Variants in KDM8 observed in about 807,000 individuals in gnomAD.
KDM8 encodes the protein bifunctional peptidase and arginyl-hydroxylase JMJD5.
In KDM8, 35 loss-of-function variants were observed where a neutral mutation model predicts 46.9. That is an observed-to-expected ratio of 0.75 (90% confidence interval 0.57 to 0.99). KDM8 has a LOEUF of 0.99. Ranked by LOEUF, KDM8 falls within the 50% of genes least tolerant of loss-of-function variation. The pLI, the probability that KDM8 is intolerant of heterozygous loss-of-function variation, is 0.00. For synonymous variants in KDM8, 232 were observed against 227.7 expected (o/e 1.02, Z -0.17); for missense variants, 475 against 537.0 (o/e 0.88, Z 1.14).
chr16:27,215,601 G>C (rs2083541953), intron 4 of KDM8, among the ~76,000 whole-genome samples: 1 of 152,094 alleles, frequency 6.6e-6, no homozygotes, highest in Non-Finnish European at 1.5e-5. Flanking sequence ...GGACAGGATA[G>C]GACAATTTAT....
chr16:27,219,893 G>C (rs781758093), intron 6 of KDM8, among the ~76,000 whole-genome samples: 1 of 152,186 alleles, frequency 6.6e-6, no homozygotes, highest in Non-Finnish European at 1.5e-5. Context: ...CAAAAATGAA[G>C]TTATTTTTCA....
rs2083469647 is a variant in KDM8, at chr16:27,210,354, G to A, written c.231G>A (p.Glu77=). 2 of 1,613,262 alleles carry A rather than the reference G, an allele frequency of 1.2e-6. No individual in the cohort carries two copies. Among genetic ancestry groups the A allele is most frequent in the Non-Finnish European group, 1.7e-6 (2 of 1,180,054 alleles). The stretch of plus-strand genomic sequence containing the variant: ...AGGTGATCCTGGACTACTCCTGGGA[G>A]AAGCTCAACACGGGCACATGGCAGG... ...SSEVILDYSW[E]KLNTGTWQDV... The change falls in exon 2 of 8, where the codon GAG becomes GAA. Residue 77 remains glutamate (E), a synonymous_variant. Coordinates refer to ENST00000286096, the MANE Select transcript of KDM8 (RefSeq NM_024773.3).
chr16:27,206,298 A>AGCAAGAGTCTGTCC, intron 1 of KDM8: 1 of 778,932 alleles, frequency 1.3e-6, no homozygotes, highest in Non-Finnish European at 1.6e-6. Flanking sequence ...GGAGGGACAG[A>AGCAAGAGTCTGTCC]CTCTTGCTCT....
At chr16:27,216,062 C>CTCCA in intron 5 of KDM8, 73 bp downstream of exon 5, 1 of 1,522,820 alleles carries the variant, frequency 6.6e-7, no homozygotes, top group Non-Finnish European at 9.1e-7. Flanking sequence ...GGGCTCAGTG[C>CTCCA]GGCTGGAGCA....
At chr16:27,208,748 T>C (rs2083451048) in intron 1 of KDM8, among the ~76,000 whole-genome samples, 2 of 152,188 alleles carry the variant, frequency 1.3e-5, no homozygotes, top group Admixed American at 1.3e-4. Context: ...TGTGCTGGCC[T>C]AGTGGATAAG....
intron 1 of KDM8, chr16:27,204,132 G>C (rs2083404888): frequency 6.5e-7 from 1 of 1,543,406 alleles, no homozygotes; most frequent in Non-Finnish European, 8.7e-7. Context: ...AGGCGCTGAG[G>C]AGGGAAGGGG....
intron 5 of KDM8, among the ~76,000 whole-genome samples, chr16:27,216,522 A>ACTAGAGT (rs2083556035): frequency 6.6e-6 from 1 of 151,916 alleles, no homozygotes; most frequent in African/African-American, 2.4e-5. Context: ...AACGTGGAAG[A>ACTAGAGT]CTCGAGTCAG....
intron 3 of KDM8, 89 bp downstream of exon 3, chr16:27,213,840 A>T: frequency 7.4e-7 from 1 of 1,349,536 alleles, no homozygotes; most frequent in Non-Finnish European, 1.0e-6. Flanking sequence ...TCCCCAGGGA[A>T]ATGCAACCTT....
intron 5 of KDM8, among the ~76,000 whole-genome samples, chr16:27,218,709 G>A (rs534396198): frequency 1.3e-5 from 2 of 152,274 alleles, no homozygotes; most frequent in South Asian, 4.2e-4. Flanking sequence ...AATTAGCCGG[G>A]TGTGGTGCAT....
At chr16:27,208,306 T>C (rs1045368049) in intron 1 of KDM8, among the ~76,000 whole-genome samples, 7 of 151,972 alleles carry the variant, frequency 4.6e-5, no homozygotes, top group African/African-American at 1.7e-4. Flanking sequence ...GGAACCTGGC[T>C]ACAAAGCCGC....
At chr16:27,216,613 G>A (rs1302847603) in intron 5 of KDM8, among the ~76,000 whole-genome samples, 4 of 151,884 alleles carry the variant, frequency 2.6e-5, no homozygotes, top group Admixed American at 2.6e-4. Flanking sequence ...ATGCTGATCA[G>A]CTGCTGTATC....
chr16:27,207,048 A>G (rs972535917), intron 1 of KDM8, among the ~76,000 whole-genome samples: 6 of 152,238 alleles, frequency 3.9e-5, no homozygotes, highest in African/African-American at 1.4e-4. Flanking sequence ...TTGTAAAACT[A>G]AGACAAAATC....
chr16:27,215,849 C>T (rs1170490520), intron 4 of KDM8, 96 bp from the exon 5 acceptor site: 12 of 1,308,150 alleles, frequency 9.2e-6, no homozygotes, highest in African/African-American at 1.5e-5. Context: ...GTGACGGGTG[C>T]TGCAGCTGGG....
chr16:27,209,620 G>A (rs140483980), intron 1 of KDM8, among the ~76,000 whole-genome samples: 193 of 152,346 alleles, frequency 1.3e-3, no homozygotes, highest in African/African-American at 4.4e-3. Context: ...AATGAGCTAC[G>A]TTCTTGCCCT....
intron 1 of KDM8, among the ~76,000 whole-genome samples, chr16:27,209,416 G>A (rs535533966): frequency 3.9e-5 from 6 of 152,186 alleles, no homozygotes; most frequent in African/African-American, 7.2e-5. Context: ...TTGTAGAGAC[G>A]GCGTCTTGCC....
In KDM8 at chr16:27,218,998, A is replaced by G. The variant is rs770989804; in HGVS notation, c.881A>G (p.Tyr294Cys). The G allele has an allele frequency of 3.1e-6, 5 of 1,614,090 alleles. No homozygotes were observed. Among genetic ancestry groups the G allele is most frequent in the Non-Finnish European group, 4.2e-6 (5 of 1,179,998 alleles). The change falls in exon 6 of 8, where the codon TAC becomes TGC. Residue 294 changes from tyrosine to cysteine, a missense_variant. By Grantham distance (194) the Tyr-to-Cys change is radical. Transcript: ENST00000286096. ...AAGCAGGACATCAGCATCCCCGACTACTGCAGCCTGGGCGATGGGGAGGAG... is the reference window on the plus strand; with the variant it reads ...AAGCAGGACATCAGCATCCCCGACTGCTGCAGCCTGGGCGATGGGGAGGAG... ...ELKQDISIPDYCSLGDGEEEE... is the reference protein window; with the variant it reads ...ELKQDISIPDCCSLGDGEEEE...
intron 1 of KDM8, among the ~76,000 whole-genome samples, chr16:27,205,134 A>G (rs1018300403): frequency 1.3e-5 from 2 of 152,246 alleles, no homozygotes; most frequent in Non-Finnish European, 2.9e-5. Flanking sequence ...CAGTTTGCAT[A>G]GTGAATTCTG....
At chr16:27,216,095 C>A (rs777681531) in intron 5 of KDM8, 106 bp downstream of exon 5, 256 of 1,242,020 alleles carry the variant, frequency 2.1e-4, no homozygotes, top group Non-Finnish European at 2.9e-4. Flanking sequence ...AGGAGGGAGG[C>A]AGCAGGTGAG....
intron 5 of KDM8, among the ~76,000 whole-genome samples, chr16:27,217,693 G>A (rs565404846): frequency 3.3e-5 from 5 of 152,322 alleles, no homozygotes; most frequent in African/African-American, 1.2e-4. Context: ...TGGTTTCTGA[G>A]CCAGCAGCCT....
Sources: allele counts gnomAD v4.1 joint callset (sites outside exome capture counted in the v4.1 genomes callset), GRCh38; gene constraint gnomAD v4.1.1; transcripts MANE v1.5; gene names NCBI Gene and HGNC (gene_info 2026-07-23, HGNC 2026-07-21).